Variants in UNC5C observed in about 807,000 individuals in gnomAD.
UNC5C encodes unc-5 netrin receptor C, also known as netrin receptor UNC5C.
A neutral mutation model predicts 99.8 loss-of-function variants in UNC5C; 47 were observed. That is an observed-to-expected ratio of 0.47 (90% CI 0.37 to 0.60). The LOEUF (loss-of-function observed/expected upper bound fraction) is 0.60, where lower values mean the gene tolerates loss of function less well. UNC5C is among the 20% of genes least tolerant of loss of function. UNC5C has a pLI of 0.00. For synonymous variants in UNC5C, 487 were observed against 452.2 expected, an observed-to-expected ratio of 1.08 and a Z score of -0.98; for missense variants, 1,062 against 1,165.9, an observed-to-expected ratio of 0.91 and a Z score of 1.30.
chr4:95,354,954 A>T (rs969103959), intron 1 of UNC5C, among the ~76,000 whole-genome samples: 1 of 152,186 alleles, frequency 6.6e-6, no homozygotes, highest in East Asian at 1.9e-4. Flanking sequence ...GCTGTTATGC[A>T]TCTTTGCATA....
chr4:95,409,550 A>G (rs1745921946), intron 1 of UNC5C, among the ~76,000 whole-genome samples: 1 of 152,210 alleles, frequency 6.6e-6, no homozygotes, highest in African/African-American at 2.4e-5. Flanking sequence ...TATTGCATTC[A>G]CAATTGCCTT....
At chr4:95,545,760 A>ACGCG (rs1227773272) in intron 1 of UNC5C, among the ~76,000 whole-genome samples, 2 of 143,464 alleles carry the variant, frequency 1.4e-5, no homozygotes, top group East Asian at 2.0e-4. Context: ...TCTCACACAC[A>ACGCG]CGCGCGCGCG....
chr4:95,346,415 T>C (rs1177445145), intron 1 of UNC5C, among the ~76,000 whole-genome samples: 3 of 152,008 alleles, frequency 2.0e-5, no homozygotes, highest in Non-Finnish European at 4.4e-5. Flanking sequence ...CAGGGAATAC[T>C]TCAAAACTCA....
At chr4:95,238,325 A>G (rs1739201303) in intron 7 of UNC5C, among the ~76,000 whole-genome samples, 1 of 151,924 alleles carries the variant, frequency 6.6e-6, no homozygotes, top group South Asian at 2.1e-4. Flanking sequence ...TTTATTTTGA[A>G]TTTATGCATT....
intron 2 of UNC5C, among the ~76,000 whole-genome samples, chr4:95,308,181 G>T (rs1358069721): frequency 6.6e-6 from 1 of 152,132 alleles, no homozygotes; most frequent in Non-Finnish European, 1.5e-5. Context: ...GCTTGCAGAT[G>T]ATGTGCTGTT....
At chr4:95,177,834 T>G (rs1472336341) in intron 14 of UNC5C, among the ~76,000 whole-genome samples, 1 of 151,528 alleles carries the variant, frequency 6.6e-6, no homozygotes, top group Non-Finnish European at 1.5e-5. Flanking sequence ...CCCAAATAGC[T>G]GAGACTATCG....
Position 95,183,070 on chromosome 4 carries a change from T to C in UNC5C, c.2287-9A>G. The C allele has an allele frequency of 6.3e-7, 1 of 1,596,004 alleles. No homozygotes were observed. Among genetic ancestry groups the C allele is most frequent in the Non-Finnish European group, 8.6e-7 (1 of 1,165,758 alleles). On this transcript the variant is annotated splice_polypyrimidine_tract_variant and intron_variant, in intron 13 of 15. Transcript: ENST00000453304. Reference sequence around the variant, plus strand: ...TGGTAAAATGGAATTTCCTAAAGGATATGAAAGTGTTAACCACAATTGAAG... The same window carrying C: ...TGGTAAAATGGAATTTCCTAAAGGACATGAAAGTGTTAACCACAATTGAAG...
intron 1 of UNC5C, among the ~76,000 whole-genome samples, chr4:95,478,009 CATA>C (rs144815386): frequency 0.043 from 6,548 of 151,912 alleles, 195 homozygotes; most frequent in Non-Finnish European, 0.065. Flanking sequence ...GTGCATGGTG[CATA>C]ATAAGTACTC....
rs1472544939 is a variant in UNC5C, at chr4:95,250,752, A to G, written c.595-85T>C. 4.4e-6 allele frequency: 6 copies of G among 1,373,170 alleles called. No individual in the cohort carries two copies. The Admixed American group carries it at 1.0e-4, about 23-fold the overall frequency. The allele number at this position is 1,373,170 out of a possible 1,614,324, so 85.1% of individuals were successfully genotyped here. The stretch of plus-strand genomic sequence containing the variant: ...TCCTAACCTGCATTTTGTACACTTG[A>G]TCTTAGCCAAAAGGCCGAGAAGCGA... On this transcript the variant is annotated intron_variant, in intron 4 of 15. Coordinates refer to ENST00000453304, the MANE Select transcript of UNC5C (RefSeq NM_003728.4).
chr4:95,317,759 A>C (rs1456093590), intron 2 of UNC5C, among the ~76,000 whole-genome samples: 5 of 152,156 alleles, frequency 3.3e-5, no homozygotes, highest in Non-Finnish European at 5.9e-5. Flanking sequence ...TGCCTGTTCC[A>C]TTTATAGTTA....
chr4:95,216,260 A>G (rs1366736654), intron 9 of UNC5C, 49 bp from the exon 10 acceptor site: 12 of 1,471,874 alleles, frequency 8.2e-6, no homozygotes, highest in Non-Finnish European at 1.1e-5. Flanking sequence ...TGCAGCACGT[A>G]AAAGGGAATG....
chr4:95,546,897 T>G (rs2149498209), intron 1 of UNC5C, among the ~76,000 whole-genome samples: 1 of 152,258 alleles, frequency 6.6e-6, no homozygotes, highest in Admixed American at 6.5e-5. Context: ...TTAACTTGTC[T>G]TTTTCCCAAA....
intron 1 of UNC5C, among the ~76,000 whole-genome samples, chr4:95,476,819 C>T (rs1748165059): frequency 6.6e-6 from 1 of 151,958 alleles, no homozygotes; most frequent in African/African-American, 2.4e-5. Context: ...TCCCAGTTTA[C>T]AGATAAGAAA....
At chr4:95,469,481 T>C (rs1238254174) in intron 1 of UNC5C, among the ~76,000 whole-genome samples, 2 of 152,164 alleles carry the variant, frequency 1.3e-5, no homozygotes, top group African/African-American at 2.4e-5. Context: ...ACATAAAGGC[T>C]GCATTTTCAG....
chr4:95,264,231 C>T (rs1174264963), intron 4 of UNC5C, among the ~76,000 whole-genome samples: 9 of 152,128 alleles, frequency 5.9e-5, no homozygotes, highest in African/African-American at 1.2e-4. Context: ...TCAGCTGAAA[C>T]GTGTTAGCAA....
At chr4:95,435,649 T>C (rs909236447) in intron 1 of UNC5C, among the ~76,000 whole-genome samples, 3 of 152,030 alleles carry the variant, frequency 2.0e-5, no homozygotes, top group African/African-American at 7.2e-5. Flanking sequence ...TTAGGGACCA[T>C]ACCCATCCAC....
chr4:95,221,716 C>T (rs569387934), intron 7 of UNC5C, among the ~76,000 whole-genome samples: 326 of 152,294 alleles, frequency 2.1e-3, no homozygotes, highest in African/African-American at 7.5e-3. Context: ...CACAAATACT[C>T]GTGATTGGGT....
chr4:95,492,475 G>A (rs57063363), intron 1 of UNC5C, among the ~76,000 whole-genome samples: 4,126 of 151,258 alleles, frequency 0.027, 181 homozygotes, highest in African/African-American at 0.088. Context: ...ATTATTATCT[G>A]TCCTTTGTTT....
intron 1 of UNC5C, among the ~76,000 whole-genome samples, chr4:95,413,286 T>C (rs1419054001): frequency 1.3e-5 from 2 of 152,288 alleles, no homozygotes; most frequent in Non-Finnish European, 2.9e-5. Flanking sequence ...GCACTGTAAA[T>C]GCAACGCAAG....
Sources: gnomAD v4.1 joint callset for allele counts (sites outside exome capture counted in the v4.1 genomes callset) on GRCh38, gnomAD v4.1.1 for gene constraint, MANE v1.5 for transcripts, NCBI Gene and HGNC (gene_info 2026-07-23, HGNC 2026-07-21) for gene names.